PDZD2: variants seen among roughly 807,000 people sequenced by gnomAD.
The protein encoded by PDZD2 is PDZ domain containing 2, also known as PDZ domain-containing protein 2.
A neutral mutation model predicts 220.7 loss-of-function variants in PDZD2; 90 were observed. The ratio of observed to expected loss-of-function variants is 0.41; its 90% confidence interval spans 0.34 to 0.49. PDZD2 has a LOEUF of 0.49. Ranked by LOEUF, PDZD2 falls within the 20% of genes least tolerant of loss-of-function variation. The pLI is 0.28. For missense variants in PDZD2, 3,174 were observed against 3,608.5 expected (o/e 0.88, Z 3.08); for synonymous variants, 1,375 against 1,450.5 (o/e 0.95, Z 1.18).
chr5:31,965,532 G>A (rs960184804), intron 2 of PDZD2, among the ~76,000 whole-genome samples: 10 of 152,294 alleles, frequency 6.6e-5, no homozygotes, highest in Middle Eastern at 3.4e-3. Context: ...GCCTGTATTT[G>A]CATATCAAAG....
At chr5:31,862,285 A>G (rs934211658) in intron 2 of PDZD2, among the ~76,000 whole-genome samples, 1 of 151,184 alleles carries the variant, frequency 6.6e-6, no homozygotes, top group Admixed American at 6.6e-5. Flanking sequence ...TTTTATTTTT[A>G]GTAGAGATGG....
chr5:32,028,040 A>AT (rs1226138800), intron 6 of PDZD2, among the ~76,000 whole-genome samples: 1 of 151,910 alleles, frequency 6.6e-6, no homozygotes, highest in East Asian at 1.9e-4. Flanking sequence ...ACATCTGCAG[A>AT]TTTTTTCTTT....
intron 6 of PDZD2, among the ~76,000 whole-genome samples, chr5:32,012,327 C>T (rs886812839): frequency 3.9e-5 from 6 of 152,134 alleles, no homozygotes; most frequent in Admixed American, 2.6e-4. Flanking sequence ...AAGCCATTGA[C>T]GGAGCATAAC....
At position 32,054,718 on chromosome 5, in the gene PDZD2, A is replaced by C. The variant is rs140440242; in HGVS notation, c.1900+835A>C. Among the ~76,000 whole-genome samples, 554 of 152,310 alleles carry C rather than the reference A, an allele frequency of 3.6e-3. 5 individuals are homozygous for C. Among genetic ancestry groups the C allele is most frequent in the African/African-American group, 0.012 (500 of 41,562 alleles). On this transcript the variant is annotated intron_variant, in intron 10 of 24. Transcript: ENST00000438447. ...GCTTCTGAATGCAAATTAAAGTAAT[A>C]TTGAGGTGCCAAGTTCTACCTTGCA...
intron 2 of PDZD2, among the ~76,000 whole-genome samples, chr5:31,810,644 G>T (rs1310361659): frequency 1.3e-5 from 2 of 152,170 alleles, no homozygotes; most frequent in Non-Finnish European, 2.9e-5. Flanking sequence ...GGAAGCAGAG[G>T]CAGGTAACCA....
rs1030071976 is a variant in PDZD2 at position 32,089,148 on chromosome 5, C to T, written c.5700C>T (p.Ala1900=). 6.2e-7 allele frequency: 1 copy of T among 1,614,042 alleles called. No individual in the cohort carries two copies. The highest frequency in any genetic ancestry group is 1.1e-5 in the South Asian group (1 of 91,078). The change falls in exon 20 of 25, where the codon GCC becomes GCT. Residue 1900 remains alanine, a synonymous_variant. Transcript: ENST00000438447. ...LKGKAKVNSE[A]PAANAVKAGG... is the part of the protein sequence containing the mutation. ...GCAAGGCCAAAGTCAACTCTGAGGCCCCTGCTGCGAATGCTGTGAAGGCTG... is the reference window on the plus strand; with the variant it reads ...GCAAGGCCAAAGTCAACTCTGAGGCTCCTGCTGCGAATGCTGTGAAGGCTG...
At chr5:32,054,633 A>C (rs948416609) in intron 10 of PDZD2, among the ~76,000 whole-genome samples, 3 of 152,036 alleles carry the variant, frequency 2.0e-5, no homozygotes, top group Non-Finnish European at 4.4e-5. Context: ...CCCTAAATGA[A>C]CATCTTTTAA....
intron 19 of PDZD2, among the ~76,000 whole-genome samples, chr5:32,080,762 C>CT (rs1741864203): frequency 6.6e-6 from 1 of 152,094 alleles, no homozygotes; most frequent in South Asian, 2.1e-4. Context: ...AGATCATGTC[C>CT]TTTGCAGGGA....
chr5:31,751,255 AAAG>A (rs373889741), intron 1 of PDZD2, among the ~76,000 whole-genome samples: 16,310 of 143,378 alleles, frequency 0.11, 959 homozygotes, highest in Non-Finnish European at 0.15. Context: ...AAAAAAAAAA[AAAG>A]AGAGTGGCAT....
rs373651573 is a variant in PDZD2, at chr5:31,964,656, C to T, written c.477-18499C>T. On this transcript the variant is annotated intron_variant, in intron 2 of 24. Transcript: ENST00000438447. ...GCCTGTTTTGACGACTGTTACTTCC[C>T]ACCATCTCCTTTTTGGGAAATATTT... Among the ~76,000 whole-genome samples, 207 of 152,340 alleles carry T rather than the reference C, an allele frequency of 1.4e-3. 1 individual carries two copies. The highest frequency in any genetic ancestry group is 4.8e-3 in the African/African-American group (198 of 41,574).
intron 14 of PDZD2, among the ~76,000 whole-genome samples, chr5:32,063,193 C>T (rs1338356068): frequency 3.3e-5 from 5 of 151,718 alleles, no homozygotes; most frequent in Non-Finnish European, 5.9e-5. Context: ...TACAGGCATG[C>T]GCCACCATGC....
chr5:32,069,621 G>A lies in PDZD2; in HGVS notation c.2504G>A (p.Ser835Asn). The A allele has an allele frequency of 6.3e-7, 1 of 1,586,840 alleles. No individual in the cohort carries two copies. The highest frequency in any genetic ancestry group is 8.7e-7 in the Non-Finnish European group (1 of 1,155,136). ...EVIARSTYQESKEANSSPGLG... is the reference protein window; with the variant it reads ...EVIARSTYQENKEANSSPGLG... ...ATAGCACGCAGCACTTATCAGGAGA[G>A]CAAAGAGGCCAATTCCTCTCCTGGC... The change falls in exon 15 of 25, where the codon AGC becomes AAC. Residue 835 changes from serine (S) to asparagine (N), a missense_variant. This residue lies in a region of PDZD2 where 1,861 missense variants were observed against 2,001.0 expected (regional missense o/e 0.93). Transcript: ENST00000438447.
chr5:31,708,974 G>A lies in PDZD2; in HGVS notation c.-361+69537G>A, dbSNP rs547018588. Reference sequence around the variant, plus strand: ...GTAGTCTTGGCTCACTGCAACCTCCGCCTCCCGGGTTCAAGCGATTCTCCT... The same window carrying A: ...GTAGTCTTGGCTCACTGCAACCTCCACCTCCCGGGTTCAAGCGATTCTCCT... On this transcript the variant is annotated intron_variant, in intron 1 of 24. Transcript: ENST00000438447. Among the ~76,000 whole-genome samples the A allele has an allele frequency of 6.4e-3, 937 of 145,732 alleles. 7 individuals are homozygous for A. Among genetic ancestry groups the A allele is most frequent in the African/African-American group, 0.022 (867 of 39,020 alleles).
chr5:32,056,070 T>A (rs1739057710), intron 10 of PDZD2, among the ~76,000 whole-genome samples: 1 of 152,240 alleles, frequency 6.6e-6, no homozygotes, highest in Non-Finnish European at 1.5e-5. Context: ...ACCTGTTGAG[T>A]GATACTTCTT....
At chr5:32,008,789 T>A (rs1170727596) in intron 5 of PDZD2, among the ~76,000 whole-genome samples, 2 of 152,118 alleles carry the variant, frequency 1.3e-5, no homozygotes, top group Non-Finnish European at 2.9e-5. Flanking sequence ...GTCAAAGACT[T>A]TAGAGAAGAA....
At chr5:31,777,520 G>A (rs1431988259) in intron 1 of PDZD2, among the ~76,000 whole-genome samples, 1 of 152,278 alleles carries the variant, frequency 6.6e-6, no homozygotes, top group Non-Finnish European at 1.5e-5. Flanking sequence ...CATGGGACTG[G>A]CGGGCAGCTC....
chr5:32,046,251 T>C (rs1581367870), intron 7 of PDZD2, among the ~76,000 whole-genome samples: 1 of 152,274 alleles, frequency 6.6e-6, no homozygotes, highest in East Asian at 1.9e-4. Flanking sequence ...GTTTTTGTTT[T>C]TGTTTTTTTG....
chr5:31,886,702 C>CTTT (rs34507635), intron 2 of PDZD2, among the ~76,000 whole-genome samples: 2 of 129,868 alleles, frequency 1.5e-5, no homozygotes, highest in Non-Finnish European at 3.0e-5. Context: ...GTCTCTGTCT[C>CTTT]TTTTTTTTTT....
chr5:31,849,774 G>A (rs1757805218), intron 2 of PDZD2, among the ~76,000 whole-genome samples: 2 of 150,058 alleles, frequency 1.3e-5, no homozygotes, highest in Non-Finnish European at 3.0e-5. Context: ...AACCCGGGAG[G>A]CAGAGGTTGC....
Sources: allele counts gnomAD v4.1 joint callset (sites outside exome capture counted in the v4.1 genomes callset), GRCh38; gene constraint gnomAD v4.1.1; regional missense constraint gnomAD v4.1.1; transcripts MANE v1.5; gene names NCBI Gene and HGNC (gene_info 2026-07-23, HGNC 2026-07-21).